PLA2G2C: variants seen among roughly 807,000 people sequenced by gnomAD.
PLA2G2C encodes the protein phospholipase A2 group IIC.
Under a neutral mutation model 14.3 loss-of-function variants are expected in PLA2G2C, and 15 were observed. The observed-to-expected ratio is 1.05, with a 90% CI of 0.70 to 1.62. The LOEUF (loss-of-function observed/expected upper bound fraction) is 1.62. Among genes scored for constraint, PLA2G2C ranks in the 40% most tolerant of loss-of-function variants. The pLI is 0.00. For synonymous variants in PLA2G2C, 79 were observed against 67.7 expected (o/e 1.17, Z -0.82); for missense variants, 162 against 173.2 (o/e 0.94, Z 0.36).
At chr1:20,168,694 G>A (rs766940085) in intron 4 of PLA2G2C, among the ~76,000 whole-genome samples, 2 of 152,232 alleles carry the variant, frequency 1.3e-5, no homozygotes, top group Non-Finnish European at 2.9e-5. Flanking sequence ...GCCGGGAGAT[G>A]CAGATGATGG....
Position 20,172,889 on chromosome 1 carries a change from G to A in PLA2G2C, c.188C>T (p.Pro63Leu). Residue 63 changes from proline to leucine, a missense_variant, in exon 4 of 5, where the codon CCC becomes CTC. Transcript: ENST00000679259. Reference protein sequence around the residue: ...IPVDDTDRHSPSSPSPYEKLK... With the variant: ...IPVDDTDRHSLSSPSPYEKLK... ...CTTCTCGTAGGGAGAGGGAGATGAG[G>A]GGCTGTGCCTGGAAGTGGGTCCCTC... 6.2e-7 allele frequency: 1 copy of A among 1,613,634 alleles called. No homozygotes were observed. The highest frequency in any genetic ancestry group is 8.5e-7 in the Non-Finnish European group (1 of 1,179,732).
intron 4 of PLA2G2C, among the ~76,000 whole-genome samples, chr1:20,164,575 C>T (rs1484495696): frequency 1.3e-5 from 2 of 152,148 alleles, no homozygotes; most frequent in Non-Finnish European, 2.9e-5. Context: ...TGAATGGGTG[C>T]GCCCAGGCAG....
rs754163670 is a variant in PLA2G2C, at chr1:20,164,014, C to T, written c.427G>A (p.Gly143Ser). 3 of 1,613,246 alleles carry T rather than the reference C, an allele frequency of 1.9e-6. No individual in the cohort carries two copies. The highest frequency in any genetic ancestry group is 1.7e-5 in the Admixed American group (1 of 59,934). Residue 143 changes from glycine (G) to serine (S), a missense_variant, in exon 5 of 5, where the codon GGC (glycine) becomes AGC (serine). Physicochemically the swap from Gly to Ser is moderately conservative, Grantham distance 56. Coordinates refer to ENST00000679259, the MANE Select transcript of PLA2G2C (RefSeq NM_001367969.2). ...CCCTAGCACCAGGGCTTATGTCTGCCACACCTGGGCTGGCTGGAGAACTGC... is the reference window on the plus strand; with the variant it reads ...CCCTAGCACCAGGGCTTATGTCTGCTACACCTGGGCTGGCTGGAGAACTGC... Reference protein sequence around the residue: ...FKQFSSQPRCGRHKPWC With the variant: ...FKQFSSQPRCSRHKPWC
At chr1:20,175,516 C>T (rs1003232857) in intron 2 of PLA2G2C, among the ~76,000 whole-genome samples, 10 of 152,192 alleles carry the variant, frequency 6.6e-5, no homozygotes, top group African/African-American at 2.2e-4. Context: ...ACGCCAGTCC[C>T]TCCAGATGTC....
intron 4 of PLA2G2C, among the ~76,000 whole-genome samples, chr1:20,168,222 C>T (rs886855512): frequency 7.2e-4 from 110 of 152,342 alleles, no homozygotes; most frequent in Non-Finnish European, 8.8e-4. Context: ...GTTTCCTCAG[C>T]TTTCAAATGG....
chr1:20,181,467 G>A (rs1253482989), intron 1 of PLA2G2C, among the ~76,000 whole-genome samples: 1 of 151,828 alleles, frequency 6.6e-6, no homozygotes, highest in Admixed American at 6.6e-5. Flanking sequence ...AAACTGAGAG[G>A]TCCCAGACTT....
In PLA2G2C at chr1:20,164,822, C is replaced by T. The variant is rs113372623; in HGVS notation, c.284-665G>A. ...CCACATTTCATGTCCGGTCTGCCAG[C>T]GGGTCCCGCTAATCTTCTCTGTGTT... On this transcript the variant is annotated intron_variant, in intron 4 of 4. Transcript: ENST00000679259. Among the ~76,000 whole-genome samples, 324 of 152,360 alleles carry T rather than the reference C, an allele frequency of 2.1e-3. 2 individuals carry two copies. Among genetic ancestry groups the T allele is most frequent in the African/African-American group, 6.0e-3 (248 of 41,582 alleles).
At chr1:20,167,438 C>G (rs6703559) in intron 4 of PLA2G2C, among the ~76,000 whole-genome samples, 30,763 of 152,166 alleles carry the variant, frequency 0.2, 3,332 homozygotes, top group Middle Eastern at 0.25. Flanking sequence ...GGTGCAGCCT[C>G]TGTTCCCTTC....
chr1:20,170,604 C>T (rs1350391984), intron 4 of PLA2G2C, among the ~76,000 whole-genome samples: 3 of 152,010 alleles, frequency 2.0e-5, no homozygotes, highest in Non-Finnish European at 4.4e-5. Flanking sequence ...CAGATCACCT[C>T]GCTCTCAGCC....
chr1:20,170,205 T>C (rs778324676), intron 4 of PLA2G2C, among the ~76,000 whole-genome samples: 10 of 152,236 alleles, frequency 6.6e-5, no homozygotes, highest in Non-Finnish European at 1.5e-5. Context: ...CTGTTGTTAT[T>C]GTACCCATTT....
intron 1 of PLA2G2C, among the ~76,000 whole-genome samples, chr1:20,179,618 A>G (rs1186217885): frequency 2.5e-5 from 2 of 80,636 alleles, no homozygotes; most frequent in African/African-American, 1.0e-4. Context: ...CCTCTGTGTC[A>G]GTTTCTGTGT....
At chr1:20,167,306 G>A (rs941206935) in intron 4 of PLA2G2C, among the ~76,000 whole-genome samples, 1 of 152,112 alleles carries the variant, frequency 6.6e-6, no homozygotes, top group Admixed American at 6.5e-5. Context: ...TGTCTGACAC[G>A]TGTCTCAAAC....
intron 1 of PLA2G2C, among the ~76,000 whole-genome samples, chr1:20,177,751 G>A (rs1281077715): frequency 2.0e-5 from 3 of 151,936 alleles, no homozygotes; most frequent in African/African-American, 7.3e-5. Context: ...AGTTGGAAAG[G>A]CACCTATGTT....
At chr1:20,171,541 T>C (rs1288668964) in intron 4 of PLA2G2C, among the ~76,000 whole-genome samples, 1 of 151,912 alleles carries the variant, frequency 6.6e-6, no homozygotes, top group Non-Finnish European at 1.5e-5. Context: ...GAGACCAGGG[T>C]TCTGAGCCCT....
chr1:20,177,265 C>T lies in PLA2G2C; in HGVS notation c.40+59G>A, dbSNP rs1569935903. 4 of 700,232 alleles carry T rather than the reference C, an allele frequency of 5.7e-6. No individual in the cohort carries two copies. In the South Asian group the frequency reaches 5.9e-5, roughly 10 times the overall value. 43.4% of individuals were successfully genotyped at this position (700,232 alleles called of 1,614,324 possible). On this transcript the variant is annotated intron_variant, in intron 2 of 4. Coordinates refer to ENST00000679259, the MANE Select transcript of PLA2G2C (RefSeq NM_001367969.2). ...GGTGCCACCTGGAGAGTCCCCCCTC[C>T]CACTGACATAAACAGGAAGACAGAA...
intron 4 of PLA2G2C, among the ~76,000 whole-genome samples, chr1:20,166,101 G>A (rs1360939728): frequency 1.3e-5 from 2 of 152,246 alleles, no homozygotes; most frequent in African/African-American, 4.8e-5. Context: ...CGCAGAAGGT[G>A]CCCTGTGGGC....
chr1:20,167,478 C>G (rs2100712821), intron 4 of PLA2G2C, among the ~76,000 whole-genome samples: 1 of 152,296 alleles, frequency 6.6e-6, no homozygotes, highest in African/African-American at 2.4e-5. Flanking sequence ...TCAGCAGGTC[C>G]TGTCGGCCCT....
At chr1:20,166,728 C>T (rs1242334929) in intron 4 of PLA2G2C, among the ~76,000 whole-genome samples, 1 of 152,210 alleles carries the variant, frequency 6.6e-6, no homozygotes, top group African/African-American at 2.4e-5. Flanking sequence ...TCCCTGCCCC[C>T]TCTCCCTTTC....
intron 4 of PLA2G2C, among the ~76,000 whole-genome samples, chr1:20,164,837 TTC>T (rs1356091565): frequency 2.6e-5 from 4 of 152,248 alleles, no homozygotes; most frequent in Admixed American, 1.3e-4. Flanking sequence ...CCCGCTAATC[TTC>T]TCTGTGTTTA....
Sources: gnomAD v4.1 joint callset for allele counts (sites outside exome capture counted in the v4.1 genomes callset) on GRCh38, gnomAD v4.1.1 for gene constraint, MANE v1.5 for transcripts, NCBI Gene and HGNC (gene_info 2026-07-23, HGNC 2026-07-21) for gene names.